LTK: variants seen among roughly 807,000 people sequenced by gnomAD.
LTK encodes the protein leukocyte tyrosine kinase receptor.
LTK carries 117 observed loss-of-function variants against 101.5 expected under a neutral mutation model. The ratio of observed to expected loss-of-function variants is 1.15; its 90% CI spans 0.99 to 1.34. LTK has a LOEUF of 1.34. Ranked by LOEUF, LTK falls within the 40% of genes most tolerant of loss-of-function variation. The probability of loss-of-function intolerance (pLI) is 0.00; values close to 1 mark genes in which losing one functional copy is unlikely to be tolerated. For synonymous variants in LTK, 563 were observed against 494.2 expected, an observed-to-expected ratio of 1.14 and a Z score of -1.85; for missense variants, 1,252 against 1,164.7, an observed-to-expected ratio of 1.07 and a Z score of -1.09.
chr15:41,507,009 G>A (rs2051306613), intron 11 of LTK, 86 bp downstream of exon 11: 1 of 1,361,978 alleles, frequency 7.3e-7, no homozygotes. Flanking sequence ...GATTTTTTCT[G>A]GGACTTATAA....
At position 41,507,243 on chromosome 15, in the gene LTK, G is replaced by C. The variant is rs745711047; in HGVS notation, c.1393C>G (p.Pro465Ala). The change falls in exon 11 of 20, where the codon CCT becomes GCT. Residue 465 changes from proline (P) to alanine (A), a missense_variant. Pro to Ala is a conservative substitution (Grantham distance 27, BLOSUM62 -1). Transcript: ENST00000263800. ...CGAAGCTTGCTCAGCTCAAGCTCAG[G>C]GCTCGGCAGCCTCATCTCCTGCAGG... The part of the protein sequence containing the change: ...QGLQEMRLPS[P>A]ELELSKLRTS... 4 of 1,603,860 alleles carry C rather than the reference G, an allele frequency of 2.5e-6. No individual in the cohort carries two copies. The highest frequency in any genetic ancestry group is 3.4e-6 in the Non-Finnish European group (4 of 1,173,138).
intron 10 of LTK, 32 bp downstream of exon 10, chr15:41,507,530 T>G: frequency 6.2e-7 from 1 of 1,608,572 alleles, no homozygotes. Flanking sequence ...GGAGCAGCCT[T>G]GAATCAACTG....
At chr15:41,512,052 C>A in intron 4 of LTK, 63 bp downstream of exon 4, 3 of 1,502,148 alleles carry the variant, frequency 2.0e-6, no homozygotes, top group Non-Finnish European at 2.7e-6. Context: ...CACGCTCCCC[C>A]GGCCCCCAGG....
chr15:41,505,286 A>G lies in LTK; in HGVS notation c.1847T>C (p.Val616Ala), dbSNP rs759361902. 5 of 1,613,920 alleles carry G rather than the reference A, an allele frequency of 3.1e-6. No individual in the cohort carries two copies. Among genetic ancestry groups the G allele is most frequent in the Non-Finnish European group, 4.2e-6 (5 of 1,179,976 alleles). Residue 616 changes from valine (V) to alanine (A), a missense_variant, in exon 15 of 20, where the codon GTC (valine) becomes GCC (alanine). By Grantham distance (64) the Val-to-Ala change is moderately conservative. Coordinates refer to ENST00000263800, the MANE Select transcript of LTK (RefSeq NM_002344.6). ...RPHLGQPSPL[V>A]MRDLLQLAQD... is the part of the protein sequence containing the mutation. ...GGCCAGTTGCAGCAGGTCCCGCATG[A>G]CCAGAGGTGATGGCTGGCCCTGGGT...
rs1393189253 is a variant in LTK, at chr15:41,504,197, G to A, written c.2394C>T (p.Thr798=). ...GCCCAGAAGTCCCTTCCTCCTCTGG[G>A]GTGGGCCCCAGCTCCATTGGCAGGA... The part of the protein sequence containing the change: ...NSLLPMELGP[T]PEEEGTSGLG... The change falls in exon 20 of 20, where the codon ACC becomes ACT. Residue 798 remains threonine, a synonymous_variant. Coordinates refer to ENST00000263800, the MANE Select transcript of LTK (RefSeq NM_002344.6). 2 of 1,612,908 alleles carry A rather than the reference G, an allele frequency of 1.2e-6. No individual in the cohort carries two copies. The highest frequency in any genetic ancestry group is 1.3e-5 in the African/African-American group (1 of 74,912).
rs2051479933 is a variant in LTK at position 41,511,905 on chromosome 15, G to T, written c.569C>A (p.Ala190Glu). ...GACCCCTTCGCTCCCATCCATCGCC[G>T]CGTGCTCTTCAACGGCTCGAGACTC... Reference protein sequence around the residue: ...LGESRAVEEHAAMDGSEGVPG... With the variant: ...LGESRAVEEHEAMDGSEGVPG... Residue 190 changes from alanine (A) to glutamate (E), a missense_variant, in exon 5 of 20, where the codon GCG becomes GAG. Coordinates refer to ENST00000263800, the MANE Select transcript of LTK (RefSeq NM_002344.6). This position sits in a 1 kb window ranked among gnomAD's most constrained non-coding sequence, Gnocchi z 5.9. The T allele has an allele frequency of 4.5e-6, 6 of 1,341,952 alleles. No homozygotes were observed. The highest frequency in any genetic ancestry group is 1.3e-5 in the South Asian group (1 of 74,170). 83.1% of individuals were successfully genotyped at this position (1,341,952 alleles called of 1,614,324 possible).
In LTK at chr15:41,503,901, C is replaced by A. The variant is rs1220441016; in HGVS notation, c.*95G>T. On this transcript the variant is annotated 3_prime_UTR_variant, in exon 20 of 20. Transcript: ENST00000263800. ...GACACACAGCACAGACTGCAGGGAA[C>A]AGAGGCCGCTGGCATAACAGGCCAC... 7 of 1,386,386 alleles carry A rather than the reference C, an allele frequency of 5.0e-6. No individual in the cohort carries two copies. The highest frequency in any genetic ancestry group is 5.8e-6 in the Non-Finnish European group (6 of 1,033,714). The allele number at this position is 1,386,386 out of a possible 1,614,324, so 85.9% of individuals were successfully genotyped here.
At chr15:41,512,672 G>A (rs755938388) in intron 3 of LTK, 35 bp downstream of exon 3, 3 of 1,513,936 alleles carry the variant, frequency 2.0e-6, no homozygotes, top group East Asian at 2.3e-5. Context: ...CCAACTAGCA[G>A]GTCACTGTCC....
At chr15:41,510,914 A>C (rs1257379793) in intron 7 of LTK, among the ~76,000 whole-genome samples, 3 of 152,226 alleles carry the variant, frequency 2.0e-5, no homozygotes, top group African/African-American at 7.2e-5. Flanking sequence ...CTGCTGCAGA[A>C]CAAGGCAGGG....
In LTK at chr15:41,504,836, G is replaced by A. The variant is rs2051202705; in HGVS notation, c.2057C>T (p.Pro686Leu). ...GGCCTCTGGGGGCATCCACTTGACT[G>A]GGAGCAAGGCCCGGTCCCCCCTGCG... ...YYRRGDRALL[P>L]VKWMPPEAFL... is the part of the protein sequence containing the mutation. Residue 686 changes from proline to leucine, a missense_variant, in exon 17 of 20, where the codon CCA becomes CTA. Coordinates refer to ENST00000263800, the MANE Select transcript of LTK (RefSeq NM_002344.6). 2 of 1,613,366 alleles carry A rather than the reference G, an allele frequency of 1.2e-6. No individual in the cohort carries two copies. Among genetic ancestry groups the A allele is most frequent in the Non-Finnish European group, 1.7e-6 (2 of 1,179,852 alleles).
Position 41,503,814 on chromosome 15 carries a change from G to T in LTK, c.*182C>A. 1 of 720,558 alleles carries T rather than the reference G, an allele frequency of 1.4e-6. No homozygotes were observed. The highest frequency in any genetic ancestry group is 2.2e-6 in the Non-Finnish European group (1 of 445,346). The allele number at this position is 720,558 out of a possible 1,614,324, so 44.6% of individuals were successfully genotyped here. ...AAGTGGCTGGGCCCTTCCCTGGGAG[G>T]CCTGGGCTGGTTTCCAGCATGGCAA... On this transcript the variant is annotated 3_prime_UTR_variant, in exon 20 of 20. Coordinates refer to ENST00000263800, the MANE Select transcript of LTK (RefSeq NM_002344.6).
intron 15 of LTK, 51 bp downstream of exon 15, chr15:41,505,157 C>T: frequency 6.3e-7 from 1 of 1,592,750 alleles, no homozygotes; most frequent in East Asian, 2.2e-5. Flanking sequence ...AGGGCTGTTC[C>T]TTGGGGAGGG....
chr15:41,511,979 GA>G lies in LTK; in HGVS notation c.511-17del. 6.8e-7 allele frequency: 1 copy of G among 1,461,648 alleles called. No homozygotes were observed. Among genetic ancestry groups the G allele is most frequent in the Non-Finnish European group, 9.0e-7 (1 of 1,116,048 alleles). 90.5% of individuals were successfully genotyped at this position (1,461,648 alleles called of 1,614,324 possible). Reference sequence around the variant, plus strand: ...CCGGGCTACCCTGCGGGCAGCGGGGGAGGGAATCGGCGGGGCCCGGGAGCCT... The same window carrying G: ...CCGGGCTACCCTGCGGGCAGCGGGGGGGGAATCGGCGGGGCCCGGGAGCCT... On this transcript the variant is annotated splice_polypyrimidine_tract_variant and intron_variant, in intron 4 of 19. Coordinates refer to ENST00000263800, the MANE Select transcript of LTK (RefSeq NM_002344.6). This position sits in a 1 kb window ranked among gnomAD's most constrained non-coding sequence, Gnocchi z 5.9.
At chr15:41,510,623 G>A (rs1036848430) in intron 7 of LTK, among the ~76,000 whole-genome samples, 3 of 151,980 alleles carry the variant, frequency 2.0e-5, no homozygotes, top group Admixed American at 6.6e-5. Context: ...CACCACGCCC[G>A]GCTAATTTTT....
In LTK at chr15:41,511,739, C is replaced by G; in HGVS notation, c.657+78G>C. ...GCAGGGATAGGGGGACCCCAAGGGACGGACGGAGAGCCGGTGCGTGAGCGC... is the reference window on the plus strand; with the variant it reads ...GCAGGGATAGGGGGACCCCAAGGGAGGGACGGAGAGCCGGTGCGTGAGCGC... On this transcript the variant is annotated intron_variant, in intron 5 of 19. Coordinates refer to ENST00000263800, the MANE Select transcript of LTK (RefSeq NM_002344.6). The surrounding 1 kb of genome is among the most constrained non-coding windows in gnomAD (Gnocchi z 5.9). 1 of 1,442,846 alleles carries G rather than the reference C, an allele frequency of 6.9e-7. No individual in the cohort carries two copies. The highest frequency in any genetic ancestry group is 2.9e-5 in the East Asian group (1 of 34,384). 89.4% of individuals were successfully genotyped at this position (1,442,846 alleles called of 1,614,324 possible).
rs2051186903 is a variant in LTK at position 41,504,541 on chromosome 15, G to T, written c.2220C>A (p.Gly740=). Residue 740 remains glycine (G), a synonymous_variant, in exon 18 of 20, where the codon GGC becomes GGA. Coordinates refer to ENST00000263800, the MANE Select transcript of LTK (RefSeq NM_002344.6). ...QEVLDFVVGG[G]RMDPPRGCPG... is the part of the protein sequence containing the mutation. ...GGCAGCCCCTAGGAGGGTCCATCCG[G>T]CCTCCTCCAACGACGAAGTCCAGCA... 1.2e-6 allele frequency: 2 copies of T among 1,613,820 alleles called. No homozygotes were observed. Among genetic ancestry groups the T allele is most frequent in the Non-Finnish European group, 1.7e-6 (2 of 1,179,976 alleles).
Position 41,508,165 on chromosome 15 carries a change from G to A in LTK, c.1153C>T (p.Pro385Ser), listed in dbSNP as rs2051346516. Residue 385 changes from proline (P) to serine (S), a missense_variant, in exon 9 of 20, where the codon CCT becomes TCT. Coordinates refer to ENST00000263800, the MANE Select transcript of LTK (RefSeq NM_002344.6). The part of the protein sequence containing the change: ...IRRHLNCSHC[P>S]LRDCQWQAEL... ...GCCTGCCATTGGCAGTCTCTCAAAGGGCAGTGACTGCAGTTGAGGTGCCTT... is the reference window on the plus strand; with the variant it reads ...GCCTGCCATTGGCAGTCTCTCAAAGAGCAGTGACTGCAGTTGAGGTGCCTT... 1 of 1,613,308 alleles carries A rather than the reference G, an allele frequency of 6.2e-7. No homozygotes were observed. The highest frequency in any genetic ancestry group is 8.5e-7 in the Non-Finnish European group (1 of 1,179,744).
rs955511439 is a variant in LTK at position 41,503,980 on chromosome 15, C to T, written c.*16G>A. ...CCCTCAGTGCCTCAGTCCTTACCCT[C>T]AGGGCCCCTTGGGGCTCAGGAGCGA... is the stretch of plus-strand genomic sequence containing the variant. On this transcript the variant is annotated 3_prime_UTR_variant, in exon 20 of 20. Coordinates refer to ENST00000263800, the MANE Select transcript of LTK (RefSeq NM_002344.6). 35 of 1,582,346 alleles carry T rather than the reference C, an allele frequency of 2.2e-5. No individual in the cohort carries two copies. The highest frequency in any genetic ancestry group is 2.8e-5 in the Non-Finnish European group (33 of 1,165,386).
At chr15:41,513,608 C>T in intron 1 of LTK, 59 bp downstream of exon 1, 2 of 1,553,594 alleles carry the variant, frequency 1.3e-6, no homozygotes, top group Non-Finnish European at 1.8e-6. Flanking sequence ...ACCGGCCACC[C>T]CCAAGCCTAG....
Sources: gnomAD v4.1 joint callset for allele counts (sites outside exome capture counted in the v4.1 genomes callset) on GRCh38, gnomAD v4.1.1 for gene constraint, Gnocchi (gnomAD v3.1) non-coding constraint, MANE v1.5 for transcripts, NCBI Gene and HGNC (gene_info 2026-07-23, HGNC 2026-07-21) for gene names.